PDE4A: variants seen among roughly 807,000 people sequenced by gnomAD.
PDE4A encodes the protein phosphodiesterase 4A, also known as 3',5'-cyclic-AMP phosphodiesterase 4A.
In PDE4A, 21 loss-of-function variants were observed where a neutral mutation model predicts 73.9. That is an observed-to-expected ratio of 0.28 (90% CI 0.20 to 0.41). The LOEUF (loss-of-function observed/expected upper bound fraction) is 0.41. Ranked by LOEUF, PDE4A falls within the 10% of genes least tolerant of loss-of-function variation. PDE4A has a pLI of 1.00. For missense variants in PDE4A, 958 were observed against 1,211.4 expected, an observed-to-expected ratio of 0.79 and a Z score of 3.10; for synonymous variants, 463 against 505.4, an observed-to-expected ratio of 0.92 and a Z score of 1.13.
intron 1 of PDE4A, among the ~76,000 whole-genome samples, chr19:10,429,720 C>T (rs2042763353): frequency 6.6e-6 from 1 of 152,066 alleles, no homozygotes; most frequent in South Asian, 2.1e-4. Flanking sequence ...CTGTGGGGTG[C>T]ATCTTGGGAT....
In PDE4A at chr19:10,468,559, G is replaced by A. The variant is rs1404554981; in HGVS notation, c.*938G>A. On this transcript the variant is annotated 3_prime_UTR_variant, in exon 15 of 15. Coordinates refer to ENST00000380702, the MANE Select transcript of PDE4A (RefSeq NM_001111307.2). ...AATAATTCCCACGGCCACAGGCAAG[G>A]GGGTTGCAGTGGCCGCCTGCACCTT... is the stretch of plus-strand genomic sequence containing the variant. The A allele has an allele frequency of 1.4e-5, 2 of 140,258 alleles. No individual in the cohort carries two copies. Among genetic ancestry groups the A allele is most frequent in the African/African-American group, 5.4e-5 (2 of 36,728 alleles). The allele number at this position is 140,258 out of a possible 1,614,324, so 8.7% of individuals were successfully genotyped here.
At chr19:10,461,840 G>A (rs2144499159) in intron 12 of PDE4A, 37 bp from the exon 13 acceptor site, 1 of 1,603,850 alleles carries the variant, frequency 6.2e-7, no homozygotes, top group East Asian at 2.2e-5. Context: ...CTGGGGGGCG[G>A]GTGTCAGCGG....
chr19:10,417,042 A>G (rs1046852662), upstream of PDE4A: 3 of 1,528,618 alleles, frequency 2.0e-6, no homozygotes, highest in East Asian at 4.9e-5. Flanking sequence ...CTTGGGGGAG[A>G]CTAGCGCCCT....
intron 7 of PDE4A, among the ~76,000 whole-genome samples, chr19:10,457,431 C>CGGGGGGGGGGG (rs372266239): frequency 2.5e-5 from 1 of 39,398 alleles, no homozygotes; most frequent in African/African-American, 1.2e-4. Flanking sequence ...CCAAGGTGGG[C>CGGGGGGGGGGG]GGGGGGGGGG....
chr19:10,465,471 C>T (rs1458106378), intron 14 of PDE4A, among the ~76,000 whole-genome samples: 6 of 151,730 alleles, frequency 4.0e-5, no homozygotes, highest in Admixed American at 6.6e-5. Flanking sequence ...CCGCCCACCT[C>T]GGCCTCCCAA....
rs1054616513 is a variant in PDE4A, at chr19:10,459,795, CTCTTTG to C, written c.1365+38_1365+43del. On this transcript the variant is annotated intron_variant, in intron 10 of 14. Coordinates refer to ENST00000380702, the MANE Select transcript of PDE4A (RefSeq NM_001111307.2). ...GCCCTGTGAGTGACCGTCCCCATCT[CTCTTTG>C]TGACTGCCTCTTCAGCCTCCTGTGT... 1.9e-6 allele frequency: 3 copies of C among 1,566,138 alleles called. No homozygotes were observed. In the African/African-American group the frequency reaches 4.0e-5, roughly 21 times the overall value.
intron 7 of PDE4A, among the ~76,000 whole-genome samples, chr19:10,456,035 C>G (rs890248855): frequency 9.3e-5 from 14 of 150,834 alleles, no homozygotes; most frequent in Non-Finnish European, 2.9e-5. Flanking sequence ...TATGACCCCC[C>G]CCCAATTCAG....
intron 7 of PDE4A, 111 bp downstream of exon 7, chr19:10,455,033 A>C: frequency 9.9e-7 from 1 of 1,010,390 alleles, no homozygotes; most frequent in Non-Finnish European, 1.5e-6. Context: ...TCTGACTCTC[A>C]ACTCCCCAAA....
intron 1 of PDE4A, chr19:10,432,677 C>T: frequency 9.0e-7 from 1 of 1,111,904 alleles, no homozygotes; most frequent in Non-Finnish European, 1.2e-6. Context: ...CCCTAAGTGG[C>T]TTCCAGGATC....
chr19:10,454,584 CCT>C (rs1369746298), intron 6 of PDE4A, among the ~76,000 whole-genome samples: 12 of 152,158 alleles, frequency 7.9e-5, no homozygotes, highest in Non-Finnish European at 1.3e-4. Context: ...GAGGGAAGCC[CCT>C]CTTTCCTCAG....
intron 1 of PDE4A, among the ~76,000 whole-genome samples, chr19:10,427,283 G>C (rs994988597): frequency 6.6e-6 from 1 of 152,186 alleles, no homozygotes; most frequent in Non-Finnish European, 1.5e-5. Context: ...CTGGGTGACA[G>C]AGCAAGACTC....
At chr19:10,466,850 A>C (rs1412765081) in intron 14 of PDE4A, 37 bp from the exon 15 acceptor site, 1 of 1,594,060 alleles carries the variant, frequency 6.3e-7, no homozygotes, top group South Asian at 1.1e-5. Context: ...CATCCACCCC[A>C]TAGGCCGCCC....
At position 10,421,007 on chromosome 19, in the gene PDE4A, G is replaced by T. The variant is rs1418238053; in HGVS notation, c.243G>T (p.Thr81=). The T allele has an allele frequency of 1.3e-6, 2 of 1,513,558 alleles. No homozygotes were observed. The highest frequency in any genetic ancestry group is 4.1e-5 in the Admixed American group (2 of 48,248). 93.8% of individuals were successfully genotyped at this position (1,513,558 alleles called of 1,614,324 possible). The change falls in exon 1 of 15, where the codon ACG becomes ACT. Residue 81 remains threonine, a synonymous_variant. Coordinates refer to ENST00000380702, the MANE Select transcript of PDE4A (RefSeq NM_001111307.2). ...CCAGCGACCGGCCCGGCCTGCGCAC[G>T]ACCCGCATGTCCTGGCCCTCGTCCT... is the stretch of plus-strand genomic sequence containing the variant. ...MDTSDRPGLR[T]TRMSWPSSFH... is the part of the protein sequence containing the mutation.
chr19:10,416,919 C>T (rs1350706403), upstream of PDE4A: 1 of 1,538,816 alleles, frequency 6.5e-7, no homozygotes, highest in Non-Finnish European at 8.7e-7. Flanking sequence ...CACCGCAGTC[C>T]CAACGGCGCG....
intron 1 of PDE4A, chr19:10,431,144 CAGG>C: frequency 1.6e-6 from 2 of 1,232,458 alleles, no homozygotes; most frequent in Non-Finnish European, 2.2e-6. Context: ...TGGCGCACTC[CAGG>C]GTCTAGGGTT....
At chr19:10,455,263 G>C (rs1386650265) in intron 7 of PDE4A, among the ~76,000 whole-genome samples, 4 of 152,162 alleles carry the variant, frequency 2.6e-5, no homozygotes, top group Admixed American at 1.3e-4. Flanking sequence ...AGCAGTTTGA[G>C]ACCTGCCTGG....
At chr19:10,448,871 G>A in intron 2 of PDE4A, 46 bp from the exon 3 acceptor site, 2 of 1,612,092 alleles carry the variant, frequency 1.2e-6, no homozygotes, top group Non-Finnish European at 1.7e-6. Flanking sequence ...ACCCCAGACA[G>A]TTGCTTCTCT....
intron 1 of PDE4A, among the ~76,000 whole-genome samples, chr19:10,431,738 G>A (rs891164367): frequency 6.6e-6 from 1 of 152,112 alleles, no homozygotes; most frequent in Non-Finnish European, 1.5e-5. Flanking sequence ...GGGCACGGCG[G>A]GGCAGGACCG....
chr19:10,430,862 C>G (rs1441528096), intron 1 of PDE4A: 11 of 1,348,312 alleles, frequency 8.2e-6, no homozygotes, highest in Non-Finnish European at 8.6e-6. Flanking sequence ...GGCCGCGCGG[C>G]CTAGGCCGCA....
Sources: gnomAD v4.1 joint callset for allele counts (sites outside exome capture counted in the v4.1 genomes callset) on GRCh38, gnomAD v4.1.1 for gene constraint, MANE v1.5 for transcripts, NCBI Gene and HGNC (gene_info 2026-07-23, HGNC 2026-07-21) for gene names.